JAK2: variants seen among roughly 807,000 people sequenced by gnomAD.
JAK2 encodes tyrosine-protein kinase JAK2.
Under a neutral mutation model 139.3 loss-of-function variants are expected in JAK2, and 86 were observed. That is an observed-to-expected ratio of 0.62 (90% CI 0.52 to 0.74). The LOEUF (loss-of-function observed/expected upper bound fraction) is 0.74, where lower values mean the gene tolerates loss of function less well. Ranked by LOEUF, JAK2 falls within the 30% of genes least tolerant of loss-of-function variation. The pLI is 0.00. For synonymous variants in JAK2, 490 were observed against 437.7 expected (o/e 1.12, Z -1.49); for missense variants, 1,421 against 1,360.3 (o/e 1.04, Z -0.70).
At chr9:5,091,743 C>T (rs1056245340) in intron 22 of JAK2, 5 of 152,042 alleles carry the variant, frequency 3.3e-5, no homozygotes, top group African/African-American at 1.2e-4. Context: ...TAGATTTTGG[C>T]TTATGAATAG....
At chr9:5,089,313 T>C (rs1820377185) in intron 19 of JAK2, among the ~76,000 whole-genome samples, 1 of 151,918 alleles carries the variant, frequency 6.6e-6, no homozygotes, top group South Asian at 2.1e-4. Context: ...CCGAGTTGGG[T>C]GGATCACCAG....
chr9:5,002,863 A>G (rs1821006079), intron 2 of JAK2, among the ~76,000 whole-genome samples: 1 of 152,014 alleles, frequency 6.6e-6, no homozygotes, highest in South Asian at 2.1e-4. Flanking sequence ...TTCTGCTTAC[A>G]AGAGGTCACA....
intron 13 of JAK2, among the ~76,000 whole-genome samples, chr9:5,072,830 T>A (rs144781647): frequency 6.6e-6 from 1 of 152,308 alleles, no homozygotes; most frequent in East Asian, 1.9e-4. Flanking sequence ...TCCAAACTAA[T>A]TATGTTTAGC....
intron 6 of JAK2, 43 bp downstream of exon 6, chr9:5,050,874 G>A (rs1179068267): frequency 6.7e-7 from 1 of 1,500,376 alleles, no homozygotes; most frequent in Non-Finnish European, 9.2e-7. Context: ...TGTGAGTAGA[G>A]ATTTTATATA....
chr9:5,086,550 T>TCA (rs1471834683), intron 19 of JAK2, among the ~76,000 whole-genome samples: 1 of 152,172 alleles, frequency 6.6e-6, no homozygotes, highest in Non-Finnish European at 1.5e-5. Context: ...TGTTTTCTCA[T>TCA]CACCTTACCT....
At chr9:5,110,969 T>C in intron 22 of JAK2, 2 of 610,510 alleles carry the variant, frequency 3.3e-6, no homozygotes, top group South Asian at 1.5e-5. Context: ...CTCAGTAACC[T>C]GGACTTCAGC....
intron 2 of JAK2, among the ~76,000 whole-genome samples, chr9:5,013,389 T>A (rs1402997070): frequency 6.6e-6 from 1 of 152,250 alleles, no homozygotes; most frequent in Non-Finnish European, 1.5e-5. Flanking sequence ...TCAAAATGGT[T>A]ATATCTTGCA....
At chr9:4,991,741 C>T (rs1820266768) in intron 2 of JAK2, among the ~76,000 whole-genome samples, 1 of 136,946 alleles carries the variant, frequency 7.3e-6, no homozygotes, top group Non-Finnish European at 1.5e-5. Context: ...CACCAGGCAA[C>T]CACCTGTCCT....
At chr9:5,004,007 AT>A (rs1821101952) in intron 2 of JAK2, among the ~76,000 whole-genome samples, 3 of 152,074 alleles carry the variant, frequency 2.0e-5, no homozygotes, top group Admixed American at 1.3e-4. Context: ...TATTTAAAAA[AT>A]TTTTTTCTAA....
Position 5,054,669 on chromosome 9 carries a change from A to G in JAK2, c.721A>G (p.Ser241Gly), listed in dbSNP as rs587778411. Residue 241 changes from serine (S) to glycine (G), a missense_variant, in exon 7 of 25, where the codon AGC becomes GGC. By Grantham distance (56) the Ser-to-Gly change is moderately conservative. Transcript: ENST00000381652. The surrounding 1 kb of genome is among the most constrained non-coding windows in gnomAD (Gnocchi z 4.9). ...ATTTCGCAGATTTATTCAGCAATTC[A>G]GCCAATGCAAAGCCACTGCCAGAAA... The part of the protein sequence containing the change: ...YRFRRFIQQF[S>G]QCKATARNLK... The G allele has an allele frequency of 6.2e-7, 1 of 1,613,384 alleles. No individual in the cohort carries two copies. The highest frequency in any genetic ancestry group is 8.5e-7 in the Non-Finnish European group (1 of 1,179,398).
rs575530940 is a variant in JAK2 at position 4,996,568 on chromosome 9, G to T, written c.-26+10546G>T. On this transcript the variant is annotated intron_variant, in intron 2 of 24. Coordinates refer to ENST00000381652, the MANE Select transcript of JAK2 (RefSeq NM_004972.4). ...TACATGAGGTATTGTAGATTTTTTG[G>T]TTTTTTTGAGGAGGGGCGGGGGTGA... Among the ~76,000 whole-genome samples the T allele has an allele frequency of 1.8e-3, 273 of 150,870 alleles. 2 individuals are homozygous for T. The highest frequency in any genetic ancestry group is 4.0e-3 in the South Asian group (19 of 4,742).
intron 19 of JAK2, among the ~76,000 whole-genome samples, chr9:5,082,751 C>T (rs1278161535): frequency 6.6e-6 from 1 of 152,322 alleles, no homozygotes; most frequent in African/African-American, 2.4e-5. Flanking sequence ...TGGAGAATGG[C>T]GATGACTTTT....
At chr9:5,052,239 G>A (rs1189678554) in intron 6 of JAK2, among the ~76,000 whole-genome samples, 2 of 152,052 alleles carry the variant, frequency 1.3e-5, no homozygotes, top group Admixed American at 6.6e-5. Flanking sequence ...ATCTTTCTAT[G>A]TAGATTGTAG....
rs1824020343 is a variant in JAK2 at position 5,126,684 on chromosome 9, A to G, written c.3292A>G (p.Ile1098Val). 2.5e-6 allele frequency: 4 copies of G among 1,600,236 alleles called. No homozygotes were observed. In the South Asian group the frequency reaches 3.3e-5, roughly 13 times the overall value. Residue 1098 changes from isoleucine (I) to valine (V), a missense_variant and splice_region_variant, in exon 25 of 25, where the codon ATC (isoleucine) becomes GTC (valine). Transcript: ENST00000381652. ...TTTTGGTTTATTTTCTCCTTTACAG[A>G]TCTATATGATCATGACAGAATGCTG... ...LPRPDGCPDEIYMIMTECWNN... is the reference protein window; with the variant it reads ...LPRPDGCPDEVYMIMTECWNN...
chr9:5,126,818 A>G lies in JAK2; in HGVS notation c.*27A>G. 1 of 1,407,670 alleles carries G rather than the reference A, an allele frequency of 7.1e-7. No homozygotes were observed. Among genetic ancestry groups the G allele is most frequent in the African/African-American group, 1.4e-5 (1 of 70,138 alleles). 87.2% of individuals were successfully genotyped at this position (1,407,670 alleles called of 1,614,324 possible). ...AGAAATGACCTTCATTCTGAGACCAAAGTAGATTTACAGAACAAAGTTTTA... is the reference window on the plus strand; with the variant it reads ...AGAAATGACCTTCATTCTGAGACCAGAGTAGATTTACAGAACAAAGTTTTA... On this transcript the variant is annotated 3_prime_UTR_variant, in exon 25 of 25. Coordinates refer to ENST00000381652, the MANE Select transcript of JAK2 (RefSeq NM_004972.4).
At chr9:5,090,255 C>T (rs1300366875) in intron 20 of JAK2, among the ~76,000 whole-genome samples, 191 bp from the exon 21 acceptor site, 4 of 152,160 alleles carry the variant, frequency 2.6e-5, no homozygotes, top group African/African-American at 4.8e-5. Flanking sequence ...AGTTTCAAAG[C>T]TTTTATTCAT....
At chr9:4,998,944 C>G (rs1229573629) in intron 2 of JAK2, among the ~76,000 whole-genome samples, 2 of 151,840 alleles carry the variant, frequency 1.3e-5, no homozygotes, top group African/African-American at 4.8e-5. Flanking sequence ...GCCTCAGCCT[C>G]CGGAGTAGCT....
intron 9 of JAK2, among the ~76,000 whole-genome samples, chr9:5,066,218 C>T (rs550316121): frequency 6.6e-6 from 1 of 152,076 alleles, no homozygotes; most frequent in East Asian, 1.9e-4. Context: ...TTGTCAGTTG[C>T]CATGGTTCTT....
At chr9:5,040,957 T>A (rs1302919032) in intron 4 of JAK2, 1 of 531,788 alleles carries the variant, frequency 1.9e-6, no homozygotes, top group Non-Finnish European at 3.5e-6. Context: ...AAAGAATCTC[T>A]ATACAAACAA....
Sources: gnomAD v4.1 joint callset for allele counts (sites outside exome capture counted in the v4.1 genomes callset) on GRCh38, gnomAD v4.1.1 for gene constraint, Gnocchi (gnomAD v3.1) non-coding constraint, MANE v1.5 for transcripts, NCBI Gene and HGNC (gene_info 2026-07-23, HGNC 2026-07-21) for gene names.